PRAMEF15: variants seen among roughly 807,000 people sequenced by gnomAD.
PRAMEF15 encodes PRAME family member 15.
In PRAMEF15, 21 loss-of-function variants were observed where a neutral mutation model predicts 35.3. The ratio of observed to expected loss-of-function variants is 0.59; its 90% CI spans 0.42 to 0.86. The LOEUF (loss-of-function observed/expected upper bound fraction) is 0.86, where lower values mean the gene tolerates loss of function less well. Among genes scored for constraint, PRAMEF15 ranks in the 40% least tolerant of loss-of-function variants. PRAMEF15 has a pLI of 0.00. For missense variants in PRAMEF15, 360 were observed against 574.1 expected, an observed-to-expected ratio of 0.63 and a Z score of 3.81; for synonymous variants, 122 against 223.3, an observed-to-expected ratio of 0.55 and a Z score of 4.05.
intron 3 of PRAMEF15, among the ~76,000 whole-genome samples, chr1:13,320,207 C>T (rs1640064654): frequency 6.6e-6 from 1 of 152,028 alleles, no homozygotes; most frequent in Non-Finnish European, 1.5e-5. Flanking sequence ...CTGGGGGGTT[C>T]AGATCTAGTG....
chr1:13,322,053 A>G lies in PRAMEF15; in HGVS notation c.1226A>G (p.Asn409Ser), dbSNP rs1640091169. Residue 409 changes from asparagine to serine, a missense_variant, in exon 4 of 4, where the codon AAC (asparagine) becomes AGC (serine). This residue lies in a region of PRAMEF15 where 147 missense variants were observed against 123.5 expected (regional missense o/e 1.19). Transcript: ENST00000376152. ...CTGAGCCACACAATCATACTCAAAA[A>G]CTTATGTGTGGAGCTGTATCCTGCC... ...NLLSHTIILKNLCVELYPAPR... is the reference protein window; with the variant it reads ...NLLSHTIILKSLCVELYPAPR... The G allele has an allele frequency of 4.3e-6, 7 of 1,609,906 alleles. No homozygotes were observed. In the Middle Eastern group the frequency reaches 8.2e-4, roughly 189 times the overall value.
At chr1:13,318,275 G>C (rs1258874416) in intron 1 of PRAMEF15, 117 bp from the exon 2 acceptor site, 1 of 1,559,954 alleles carries the variant, frequency 6.4e-7, no homozygotes, top group Non-Finnish European at 8.7e-7. Flanking sequence ...TAGAATTGGA[G>C]TAAACTGAGG....
intron 3 of PRAMEF15, among the ~76,000 whole-genome samples, chr1:13,320,848 G>T (rs1411948008): frequency 1.3e-5 from 2 of 152,160 alleles, no homozygotes; most frequent in African/African-American, 4.8e-5. Flanking sequence ...TTGTGAACAT[G>T]AATGATCCCA....
chr1:13,317,001 C>T (rs1197765669), intron 1 of PRAMEF15, among the ~76,000 whole-genome samples: 42 of 149,278 alleles, frequency 2.8e-4, no homozygotes, highest in Non-Finnish European at 5.5e-4. Context: ...CTAATTCGAT[C>T]AGTTATTCTT....
intron 2 of PRAMEF15, among the ~76,000 whole-genome samples, 173 bp from the exon 3 acceptor site, chr1:13,319,199 A>C (rs1365345380): frequency 6.7e-6 from 1 of 148,970 alleles, no homozygotes; most frequent in Non-Finnish European, 1.5e-5. Context: ...GTCTCAAAAA[A>C]AAAAAAAAAC....
chr1:13,316,982 G>T, intron 1 of PRAMEF15, among the ~76,000 whole-genome samples: 2 of 148,850 alleles, frequency 1.3e-5, no homozygotes, highest in Admixed American at 6.7e-5. Flanking sequence ...CATTTTGATG[G>T]ATTAATATCT....
intron 1 of PRAMEF15, among the ~76,000 whole-genome samples, chr1:13,317,430 G>A (rs1640020349): frequency 6.6e-6 from 1 of 151,882 alleles, no homozygotes; most frequent in African/African-American, 2.4e-5. Context: ...TCTTGCGAAT[G>A]ATGCATAACA....
intron 3 of PRAMEF15, among the ~76,000 whole-genome samples, chr1:13,321,401 G>A (rs1340636175): frequency 4.6e-5 from 7 of 151,478 alleles, no homozygotes; most frequent in African/African-American, 1.7e-4. Context: ...TTTTAGTAGA[G>A]AGGAGGTTTT....
Position 13,318,398 on chromosome 1 carries a change from C to T in PRAMEF15, c.-10C>T. 1 of 1,611,980 alleles carries T rather than the reference C, an allele frequency of 6.2e-7. No homozygotes were observed. Among genetic ancestry groups the T allele is most frequent in the South Asian group, 1.1e-5 (1 of 90,964 alleles). ...TGGGTTTGTCCTCTGGAAGTTTTCC[C>T]TGCAGATTCATGAAGATGAGCATCC... On this transcript the variant is annotated 5_prime_UTR_variant, in exon 2 of 4. Transcript: ENST00000376152.
intron 1 of PRAMEF15, among the ~76,000 whole-genome samples, chr1:13,315,931 G>A (rs1290082608): frequency 6.6e-6 from 1 of 151,662 alleles, no homozygotes; most frequent in Non-Finnish European, 1.5e-5. Context: ...AGGCCAAAGT[G>A]GGAGGATCAT....
rs1553167256 is a variant in PRAMEF15 at position 13,316,771 on chromosome 1, T to G, written c.-17+1113T>G. On this transcript the variant is annotated intron_variant, in intron 1 of 3. Transcript: ENST00000376152. The stretch of plus-strand genomic sequence containing the variant: ...TGAAAACTGTTTTAACTCTGAAATA[T>G]TTTGATAAATTTGATGTGGCCAAGG... 2.0e-3 allele frequency among the ~76,000 whole-genome samples: 297 copies of G among 151,920 alleles called. 2 individuals are homozygous for G. Among genetic ancestry groups the G allele is most frequent in the African/African-American group, 6.7e-3 (278 of 41,292 alleles).
intron 2 of PRAMEF15, 68 bp from the exon 3 acceptor site, chr1:13,319,304 C>A (rs568981539): frequency 1.3e-6 from 2 of 1,568,412 alleles, no homozygotes; most frequent in African/African-American, 2.7e-5. Flanking sequence ...GAGCTGCTAT[C>A]CAGGATGTGG....
At chr1:13,318,272 G>C (rs1235372707) in intron 1 of PRAMEF15, 120 bp from the exon 2 acceptor site, 1 of 1,545,210 alleles carries the variant, frequency 6.5e-7, no homozygotes, top group Non-Finnish European at 8.8e-7. Flanking sequence ...GAGTAGAATT[G>C]GAGTAAACTG....
At chr1:13,316,828 T>C (rs1397345045) in intron 1 of PRAMEF15, among the ~76,000 whole-genome samples, 3 of 151,502 alleles carry the variant, frequency 2.0e-5, no homozygotes, top group East Asian at 1.9e-4. Flanking sequence ...CAAGTTTTCT[T>C]TCTTTCTGTC....
chr1:13,317,216 C>G (rs1309599357), intron 1 of PRAMEF15, among the ~76,000 whole-genome samples: 2 of 151,614 alleles, frequency 1.3e-5, no homozygotes, highest in African/African-American at 2.4e-5. Flanking sequence ...ACTACAGGCG[C>G]AGACCACTGC....
intron 3 of PRAMEF15, among the ~76,000 whole-genome samples, chr1:13,321,317 C>T (rs1411382584): frequency 2.7e-5 from 4 of 150,068 alleles, no homozygotes; most frequent in African/African-American, 7.4e-5. Flanking sequence ...TGGGTTCAAG[C>T]GATTCTTCTG....
intron 1 of PRAMEF15, among the ~76,000 whole-genome samples, chr1:13,317,615 A>C (rs1366485384): frequency 4.6e-5 from 7 of 151,834 alleles, no homozygotes; most frequent in African/African-American, 1.7e-4. Context: ...ACAAAAAGTC[A>C]AAAAATAGAA....
Position 13,322,326 on chromosome 1 carries a change from C to T in PRAMEF15, c.*62C>T, listed in dbSNP as rs1209458039. The T allele has an allele frequency of 6.6e-6, 7 of 1,060,374 alleles. No homozygotes were observed. The highest frequency in any genetic ancestry group is 2.2e-5 in the Admixed American group (1 of 44,502). 65.7% of individuals were successfully genotyped at this position (1,060,374 alleles called of 1,614,324 possible). A position where few individuals can be genotyped will look rare whatever the true frequency, so the allele number is the denominator to read the frequency against. On this transcript the variant is annotated 3_prime_UTR_variant, in exon 4 of 4. Coordinates refer to ENST00000376152, the MANE Select transcript of PRAMEF15 (RefSeq NM_001098376.3). ...CTTCTGGACACTTGGAAACTAAAAC[C>T]TAGGTCTTAGGTACATCCTAAAGGG...
chr1:13,315,996 CACA>C (rs2100312380), intron 1 of PRAMEF15, among the ~76,000 whole-genome samples: 1 of 150,900 alleles, frequency 6.6e-6, no homozygotes, highest in East Asian at 1.9e-4. Context: ...CCCTCCTCTG[CACA>C]ACGTTTTTTT....
Sources: allele counts gnomAD v4.1 joint callset (sites outside exome capture counted in the v4.1 genomes callset), GRCh38; gene constraint gnomAD v4.1.1; regional missense constraint gnomAD v4.1.1; transcripts MANE v1.5; gene names NCBI Gene and HGNC (gene_info 2026-07-23, HGNC 2026-07-21).